RIMS2: variants seen among roughly 807,000 people sequenced by gnomAD.
The protein encoded by RIMS2 is regulating synaptic membrane exocytosis protein 2.
A neutral mutation model predicts 174.4 loss-of-function variants in RIMS2; 59 were observed. The ratio of observed to expected loss-of-function variants is 0.34; its 90% confidence interval spans 0.27 to 0.42. The LOEUF (loss-of-function observed/expected upper bound fraction) is 0.42, where lower values mean the gene tolerates loss of function less well. Ranked by LOEUF, RIMS2 falls within the 10% of genes least tolerant of loss-of-function variation. The pLI, the probability that RIMS2 is intolerant of heterozygous loss-of-function variation, is 1.00. For missense variants in RIMS2, 1,620 were observed against 1,666.3 expected, an observed-to-expected ratio of 0.97 and a Z score of 0.48; for synonymous variants, 606 against 572.5, an observed-to-expected ratio of 1.06 and a Z score of -0.84.
chr8:103,926,592 T>A (rs574985863), intron 10 of RIMS2, among the ~76,000 whole-genome samples: 1 of 151,550 alleles, frequency 6.6e-6, no homozygotes, highest in Non-Finnish European at 1.5e-5. Context: ...GCCAACTGAA[T>A]TGAGCAAAAG....
At chr8:103,811,536 C>T (rs533974847) in intron 3 of RIMS2, among the ~76,000 whole-genome samples, 1 of 152,142 alleles carries the variant, frequency 6.6e-6, no homozygotes, top group African/African-American at 2.4e-5. Context: ...CCTCTGCCTC[C>T]TGGGTTCAAG....
At chr8:103,805,336 A>G (rs982197272) in intron 3 of RIMS2, among the ~76,000 whole-genome samples, 1 of 152,126 alleles carries the variant, frequency 6.6e-6, no homozygotes, top group African/African-American at 2.4e-5. Flanking sequence ...TAACATTAAT[A>G]TGTTGTGTAG....
At chr8:103,547,418 A>T (rs373488281) in intron 1 of RIMS2, among the ~76,000 whole-genome samples, 137 of 152,342 alleles carry the variant, frequency 9.0e-4, no homozygotes, top group African/African-American at 3.2e-3. Context: ...CTTTTGGCTA[A>T]ACAATGAAAT....
At chr8:103,633,916 C>T (rs2096008883) in intron 1 of RIMS2, among the ~76,000 whole-genome samples, 1 of 152,056 alleles carries the variant, frequency 6.6e-6, no homozygotes, top group South Asian at 2.1e-4. Context: ...TTTGGATGTT[C>T]TCTTTTCTTT....
intron 2 of RIMS2, among the ~76,000 whole-genome samples, chr8:103,700,564 G>A (rs2097155930): frequency 6.6e-6 from 1 of 151,876 alleles, no homozygotes; most frequent in African/African-American, 2.4e-5. Flanking sequence ...GTTGGATCTT[G>A]CTTTATTATT....
At chr8:103,566,014 A>G (rs1417768261) in intron 1 of RIMS2, among the ~76,000 whole-genome samples, 1 of 152,204 alleles carries the variant, frequency 6.6e-6, no homozygotes, top group African/African-American at 2.4e-5. Flanking sequence ...ATTTCTGGGA[A>G]GAGAATAAGA....
chr8:104,053,703 A>G (rs2154559190), intron 19 of RIMS2, among the ~76,000 whole-genome samples: 1 of 152,328 alleles, frequency 6.6e-6, no homozygotes, highest in South Asian at 2.1e-4. Flanking sequence ...GAAAAATTGA[A>G]GTACAGGTTA....
At chr8:103,574,858 G>T (rs1198878155) in intron 1 of RIMS2, among the ~76,000 whole-genome samples, 2 of 152,188 alleles carry the variant, frequency 1.3e-5, no homozygotes, top group Non-Finnish European at 2.9e-5. Flanking sequence ...AAGATACAAA[G>T]GAGATAGAAG....
At chr8:104,030,580 G>A (rs1438754316) in intron 19 of RIMS2, among the ~76,000 whole-genome samples, 1 of 151,822 alleles carries the variant, frequency 6.6e-6, no homozygotes, top group African/African-American at 2.4e-5. Flanking sequence ...TTCTTTGTTT[G>A]TTATGCCCCA....
chr8:103,855,526 G>A (rs940137374), intron 3 of RIMS2, among the ~76,000 whole-genome samples: 8 of 151,960 alleles, frequency 5.3e-5, no homozygotes, highest in Non-Finnish European at 1.0e-4. Flanking sequence ...CACTACTTTA[G>A]CTTCATCTCA....
chr8:103,706,643 G>T (rs1430502369), intron 2 of RIMS2, among the ~76,000 whole-genome samples: 2 of 152,048 alleles, frequency 1.3e-5, no homozygotes, highest in Non-Finnish European at 2.9e-5. Context: ...TACATCTGCT[G>T]CTACGTCTGC....
chr8:104,117,296 T>C (rs1435796945), intron 19 of RIMS2, among the ~76,000 whole-genome samples: 2 of 152,206 alleles, frequency 1.3e-5, no homozygotes, highest in Non-Finnish European at 2.9e-5. Flanking sequence ...AAGTTTTGGA[T>C]ATCTTATAAT....
rs377528518 is a variant in RIMS2 at position 104,242,013 on chromosome 8, G to A, written c.3335-2903G>A. 3.3e-5 allele frequency among the ~76,000 whole-genome samples: 5 copies of A among 152,224 alleles called. No homozygotes were observed. The South Asian group carries it at 1.0e-3, about 32-fold the overall frequency. On this transcript the variant is annotated intron_variant, in intron 19 of 23. Coordinates refer to ENST00000504942, the Ensembl canonical transcript of RIMS2. ...GGCCTCAAGTGATCTGCCTGCCTTA[G>A]CCTCCCAAAGTGCTGGGATTACAGG...
intron 9 of RIMS2, among the ~76,000 whole-genome samples, chr8:103,919,249 TG>T (rs1316467362): frequency 3.3e-5 from 5 of 152,084 alleles, no homozygotes; most frequent in Non-Finnish European, 7.4e-5. Context: ...AGTGGCTGCC[TG>T]GGGGGAAATC....
intron 1 of RIMS2, among the ~76,000 whole-genome samples, chr8:103,564,825 C>G (rs1190987334): frequency 6.6e-6 from 1 of 152,180 alleles, no homozygotes; most frequent in African/African-American, 2.4e-5. Context: ...CACAGATACC[C>G]AGGAACAATA....
intron 11 of RIMS2, among the ~76,000 whole-genome samples, chr8:103,930,902 C>T (rs548801441): frequency 1.3e-5 from 2 of 152,110 alleles, no homozygotes; most frequent in South Asian, 2.1e-4. Flanking sequence ...ATTCTGAACT[C>T]AGTATTGTAG....
intron 3 of RIMS2, among the ~76,000 whole-genome samples, chr8:103,815,952 G>A (rs2098715519): frequency 6.6e-6 from 1 of 152,150 alleles, no homozygotes; most frequent in Non-Finnish European, 1.5e-5. Flanking sequence ...TAAATATGCT[G>A]AGGTAATACA....
intron 19 of RIMS2, among the ~76,000 whole-genome samples, chr8:104,219,706 C>G (rs1039179518): frequency 6.6e-6 from 1 of 151,914 alleles, no homozygotes; most frequent in Non-Finnish European, 1.5e-5. Context: ...CACTTTTTCT[C>G]TATAAATTAA....
chr8:103,910,910 A>T (rs1353317917), intron 5 of RIMS2, among the ~76,000 whole-genome samples: 1 of 152,210 alleles, frequency 6.6e-6, no homozygotes, highest in Non-Finnish European at 1.5e-5. Flanking sequence ...ATGAAAATTA[A>T]ATTATTAATA....
Sources: allele counts gnomAD v4.1 joint callset (sites outside exome capture counted in the v4.1 genomes callset), GRCh38; gene constraint gnomAD v4.1.1; transcripts MANE v1.5; gene names NCBI Gene and HGNC (gene_info 2026-07-23, HGNC 2026-07-21).